RBFOX1: variants seen among roughly 807,000 people sequenced by gnomAD.
RBFOX1 encodes RNA binding protein fox-1 homolog 1.
Under a neutral mutation model 57.7 loss-of-function variants are expected in RBFOX1, and 8 were observed. The observed-to-expected ratio is 0.14, with a 90% confidence interval of 0.08 to 0.25. RBFOX1 has a LOEUF of 0.25. RBFOX1 is among the 10% of genes least tolerant of loss of function. RBFOX1 has a pLI of 1.00. For synonymous variants in RBFOX1, 326 were observed against 222.4 expected (o/e 1.47, Z -4.15); for missense variants, 611 against 548.5 (o/e 1.11, Z -1.14).
rs141237318 is a variant in RBFOX1, at chr16:7,280,475, G to C, written c.27+228377G>C. ...AGAATAATAAGGTGTTGGTAGATAA[G>C]AGGGAGGCCCATGTGCCTCTGCCAT... On this transcript the variant is annotated intron_variant, in intron 4 of 15. Transcript: ENST00000550418. 3.5e-3 allele frequency among the ~76,000 whole-genome samples: 526 copies of C among 152,318 alleles called. 1 individual carries two copies. The highest frequency in any genetic ancestry group is 0.012 in the African/African-American group (502 of 41,572).
chr16:7,433,065 A>G (rs1442042108), intron 4 of RBFOX1, among the ~76,000 whole-genome samples: 1 of 152,160 alleles, frequency 6.6e-6, no homozygotes, highest in Non-Finnish European at 1.5e-5. Context: ...TTTTCCCAGG[A>G]TTCTTTCTCA....
intron 5 of RBFOX1, among the ~76,000 whole-genome samples, chr16:7,522,748 G>A (rs2077784954): frequency 6.6e-6 from 1 of 152,142 alleles, no homozygotes; most frequent in Non-Finnish European, 1.5e-5. Flanking sequence ...AGAAAGTGAT[G>A]AAGTGTTTTA....
intron 2 of RBFOX1, among the ~76,000 whole-genome samples, chr16:5,474,758 CA>C (rs2069263560): frequency 1.3e-5 from 2 of 151,686 alleles, no homozygotes; most frequent in Non-Finnish European, 2.9e-5. Flanking sequence ...CTTTATTTTT[CA>C]TATGAGATAG....
At chr16:5,249,559 C>G (rs1488453524) in intron 1 of RBFOX1, among the ~76,000 whole-genome samples, 1 of 152,204 alleles carries the variant, frequency 6.6e-6, no homozygotes, top group Non-Finnish European at 1.5e-5. Context: ...GCCTTTCCTG[C>G]CTTGGACTCT....
intron 4 of RBFOX1, among the ~76,000 whole-genome samples, chr16:5,923,772 C>T (rs34274208): frequency 0.24 from 37,113 of 151,806 alleles, 5,510 homozygotes; most frequent in South Asian, 0.47. Context: ...AACTCCTGAC[C>T]TCAAGTGATG....
intron 3 of RBFOX1, among the ~76,000 whole-genome samples, chr16:6,925,410 C>T (rs528891468): frequency 4.0e-5 from 6 of 151,798 alleles, no homozygotes; most frequent in African/African-American, 1.5e-4. Context: ...TAGGAGTGAG[C>T]CACTGCACCC....
At chr16:5,955,351 T>TA (rs1462190308) in intron 4 of RBFOX1, among the ~76,000 whole-genome samples, 16 of 78,940 alleles carry the variant, frequency 2.0e-4, no homozygotes, top group African/African-American at 7.1e-4. Flanking sequence ...TAAAATAAAA[T>TA]AAATAAAAAT....
chr16:5,610,855 A>C (rs896057743), intron 3 of RBFOX1, among the ~76,000 whole-genome samples: 4 of 152,154 alleles, frequency 2.6e-5, no homozygotes, highest in Admixed American at 1.3e-4. Flanking sequence ...GTGACAGAGC[A>C]AGACCCTATC....
chr16:5,701,161 G>C (rs1242800869), intron 3 of RBFOX1, among the ~76,000 whole-genome samples: 8 of 152,178 alleles, frequency 5.3e-5, no homozygotes, highest in African/African-American at 1.9e-4. Context: ...TTAAGTCTGT[G>C]TGATCTGTTT....
chr16:5,773,492 A>G (rs2054046155), intron 3 of RBFOX1, among the ~76,000 whole-genome samples: 1 of 152,232 alleles, frequency 6.6e-6, no homozygotes, highest in South Asian at 2.1e-4. Flanking sequence ...TAACAGTTGC[A>G]TAATTTTTCA....
intron 1 of RBFOX1, among the ~76,000 whole-genome samples, chr16:6,231,824 C>A (rs1349850727): frequency 8.4e-6 from 1 of 119,624 alleles, no homozygotes; most frequent in Non-Finnish European, 1.7e-5. Context: ...AATTCTGTAG[C>A]TTTCCAGTTT....
chr16:5,628,035 C>T (rs1243842946), intron 3 of RBFOX1, among the ~76,000 whole-genome samples: 1 of 152,150 alleles, frequency 6.6e-6, no homozygotes, highest in Non-Finnish European at 1.5e-5. Context: ...AGAGGAATTC[C>T]TTATATTTTG....
At chr16:5,360,659 A>G (rs979794517) in intron 1 of RBFOX1, among the ~76,000 whole-genome samples, 3 of 152,208 alleles carry the variant, frequency 2.0e-5, no homozygotes, top group Admixed American at 1.3e-4. Flanking sequence ...GCTGTGACTA[A>G]TGTGAGGAAG....
intron 2 of RBFOX1, among the ~76,000 whole-genome samples, chr16:6,497,545 C>T (rs964364732): frequency 1.4e-5 from 2 of 146,606 alleles, no homozygotes; most frequent in Admixed American, 6.9e-5. Flanking sequence ...TCCTTTACAC[C>T]GATTTTTGAA....
At chr16:7,354,567 G>A (rs1190568327) in intron 4 of RBFOX1, among the ~76,000 whole-genome samples, 3 of 152,120 alleles carry the variant, frequency 2.0e-5, no homozygotes, top group Non-Finnish European at 4.4e-5. Flanking sequence ...GCTTTTCAAA[G>A]GCCACCAATG....
chr16:5,877,518 T>A (rs2057644777), intron 4 of RBFOX1, among the ~76,000 whole-genome samples: 1 of 152,264 alleles, frequency 6.6e-6, no homozygotes, highest in Non-Finnish European at 1.5e-5. Flanking sequence ...ATACACTTGA[T>A]GCAGGGCAGG....
At chr16:7,517,706 C>T (rs1481125522) in intron 4 of RBFOX1, among the ~76,000 whole-genome samples, 4 of 151,976 alleles carry the variant, frequency 2.6e-5, no homozygotes, top group Non-Finnish European at 5.9e-5. Context: ...CTCAAGAACA[C>T]ACACGTTCAA....
rs185144751 is a variant in RBFOX1 at position 5,661,479 on chromosome 16, C to G, written c.318+62518C>G. Among the ~76,000 whole-genome samples, 4 of 152,264 alleles carry G rather than the reference C, an allele frequency of 2.6e-5. No individual in the cohort carries two copies. The East Asian group carries it at 7.7e-4, about 29-fold the overall frequency. On this transcript the variant is annotated intron_variant, in intron 3 of 19. Coordinates refer to the RBFOX1 transcript ENST00000641259. ...ATAACTCCTTCATATTACCTAGTCT[C>G]CAGTAGATATCCAGATTTTCCCAGT...
chr16:7,067,912 G>C (rs9930516), intron 4 of RBFOX1, among the ~76,000 whole-genome samples: 106,148 of 149,338 alleles, frequency 0.71, 38,460 homozygotes, highest in East Asian at 0.91. Flanking sequence ...ATTTTACTGG[G>C]TGTGAGCTGA....
Sources: gnomAD v4.1 joint callset for allele counts (sites outside exome capture counted in the v4.1 genomes callset) on GRCh38, gnomAD v4.1.1 for gene constraint, MANE v1.5 for transcripts, NCBI Gene and HGNC (gene_info 2026-07-23, HGNC 2026-07-21) for gene names.